The following SCEL variants were observed in gnomAD, a reference collection of about 807,000 sequenced individuals.
SCEL encodes the protein sciellin.
In SCEL, 113 loss-of-function variants were observed where a neutral mutation model predicts 117.6. The observed-to-expected ratio is 0.96, with a 90% CI of 0.83 to 1.12. The LOEUF (loss-of-function observed/expected upper bound fraction) is 1.12, where lower values mean the gene tolerates loss of function less well. SCEL is among the 50% of genes most tolerant of loss of function. The probability of loss-of-function intolerance (pLI) is 0.00; values close to 1 mark genes in which losing one functional copy is unlikely to be tolerated. For synonymous variants in SCEL, 270 were observed against 256.2 expected (o/e 1.05, Z -0.51); for missense variants, 785 against 810.8 (o/e 0.97, Z 0.39).
chr13:77,580,962 A>G (rs1170216631), intron 9 of SCEL, among the ~76,000 whole-genome samples: 1 of 152,134 alleles, frequency 6.6e-6, no homozygotes, highest in African/African-American at 2.4e-5. Flanking sequence ...GTGAGTTGCC[A>G]TGGCAACCTT....
chr13:77,550,390 A>ATATATATATATATATATATATATAT (rs1567337596), intron 1 of SCEL, among the ~76,000 whole-genome samples: 4 of 914 alleles, frequency 4.4e-3, no homozygotes, highest in African/African-American at 7.6e-3. Flanking sequence ...TGTCTAAAAT[A>ATATATATATATATATATATATATAT]TATATATATA....
chr13:77,618,176 C>A, intron 27 of SCEL, 116 bp downstream of exon 27: 1 of 799,454 alleles, frequency 1.3e-6, no homozygotes, highest in East Asian at 2.4e-5. Context: ...CTCCCTTCCT[C>A]CCTTTTTTCT....
intron 9 of SCEL, among the ~76,000 whole-genome samples, chr13:77,583,497 G>A (rs973690273): frequency 5.3e-5 from 8 of 152,252 alleles, no homozygotes; most frequent in South Asian, 2.1e-4. Context: ...GCCCAGTTAC[G>A]GCTCATATAC....
In SCEL at chr13:77,586,897, T is replaced by TG. The variant is rs200319447; in HGVS notation, c.546-2247_546-2246insG. Among the ~76,000 whole-genome samples, 1,088 of 152,284 alleles carry TG rather than the reference T, an allele frequency of 7.1e-3. 49 individuals are homozygous for TG. Among genetic ancestry groups the TG allele is most frequent in the Admixed American group, 0.066 (1,003 of 15,274 alleles). Reference sequence around the variant, plus strand: ...ATCTGTAAAATGGGAAGAAGAATAATACTTATGTCTGGGATTGCAGTGAGG... The same window carrying TG: ...ATCTGTAAAATGGGAAGAAGAATAATGACTTATGTCTGGGATTGCAGTGAGG... On this transcript the variant is annotated intron_variant, in intron 9 of 32. Coordinates refer to ENST00000349847, the MANE Select transcript of SCEL (RefSeq NM_144777.3).
intron 29 of SCEL, among the ~76,000 whole-genome samples, chr13:77,635,130 C>T (rs2090212675): frequency 6.6e-6 from 1 of 152,152 alleles, no homozygotes; most frequent in African/African-American, 2.4e-5. Context: ...GTGTGGATGG[C>T]AGTCGTGATG....
chr13:77,562,795 GCC>G (rs1198019210), intron 4 of SCEL, among the ~76,000 whole-genome samples: 1 of 152,094 alleles, frequency 6.6e-6, no homozygotes, highest in Non-Finnish European at 1.5e-5. Flanking sequence ...ACTATTCCTA[GCC>G]CTTTTTATAT....
chr13:77,619,621 C>T (rs1192485265), intron 27 of SCEL, among the ~76,000 whole-genome samples: 2 of 149,584 alleles, frequency 1.3e-5, no homozygotes, highest in Non-Finnish European at 2.9e-5. Flanking sequence ...AAAGAAAACA[C>T]TTGCTGCATG....
chr13:77,644,508 G>C lies in SCEL; in HGVS notation c.*234G>C. On this transcript the variant is annotated 3_prime_UTR_variant, in exon 33 of 33. Coordinates refer to ENST00000349847, the MANE Select transcript of SCEL (RefSeq NM_144777.3). Reference sequence around the variant, plus strand: ...GCAATAAAAAGTTCAAATGGTTCCAGATTCCAGTGTCAAAGGAGTGATGCA... The same window carrying C: ...GCAATAAAAAGTTCAAATGGTTCCACATTCCAGTGTCAAAGGAGTGATGCA... 4.2e-6 allele frequency: 2 copies of C among 477,024 alleles called. No homozygotes were observed. The highest frequency in any genetic ancestry group is 7.6e-6 in the Non-Finnish European group (2 of 264,540). The allele number at this position is 477,024 out of a possible 1,614,324, so 29.5% of individuals were successfully genotyped here.
At chr13:77,640,960 G>C (rs567101222) in intron 31 of SCEL, among the ~76,000 whole-genome samples, 176 bp downstream of exon 31, 1 of 152,146 alleles carries the variant, frequency 6.6e-6, no homozygotes, top group East Asian at 1.9e-4. Flanking sequence ...TCAAATGTTT[G>C]TAATTACTAT....
At chr13:77,553,773 G>A (rs1040430803) in intron 1 of SCEL, among the ~76,000 whole-genome samples, 4 of 151,628 alleles carry the variant, frequency 2.6e-5, no homozygotes, top group African/African-American at 9.7e-5. Flanking sequence ...TGTGTGCTGG[G>A]CAATAATTAG....
chr13:77,587,670 C>T (rs536179345), intron 9 of SCEL, among the ~76,000 whole-genome samples: 2 of 152,284 alleles, frequency 1.3e-5, no homozygotes, highest in East Asian at 3.9e-4. Flanking sequence ...TGGCCAAGTA[C>T]TCTTTCCTTG....
In SCEL at chr13:77,644,425, A is replaced by T; in HGVS notation, c.*151A>T. On this transcript the variant is annotated 3_prime_UTR_variant, in exon 33 of 33. Transcript: ENST00000349847. ...ATTCTGTTATTGCATAAGTAATCTA[A>T]TTGTCTTCAATAAGGTCACACACAT... The T allele has an allele frequency of 1.4e-6, 1 of 727,722 alleles. No individual in the cohort carries two copies. The highest frequency in any genetic ancestry group is 2.3e-6 in the Non-Finnish European group (1 of 444,184). 45.1% of individuals were successfully genotyped at this position (727,722 alleles called of 1,614,324 possible).
At chr13:77,603,494 A>G (rs1439160868) in intron 18 of SCEL, among the ~76,000 whole-genome samples, 16 of 152,194 alleles carry the variant, frequency 1.1e-4, no homozygotes, top group Non-Finnish European at 1.9e-4. Flanking sequence ...AGCTCTGGTA[A>G]TTCAGCTCCT....
intron 4 of SCEL, among the ~76,000 whole-genome samples, chr13:77,563,229 CCTTT>C (rs142168976): frequency 0.025 from 3,754 of 152,058 alleles, 156 homozygotes; most frequent in East Asian, 0.13. Context: ...TTCTATCCTT[CCTTT>C]CTCTCACTTC....
chr13:77,552,842 G>A (rs2084418050), intron 1 of SCEL, among the ~76,000 whole-genome samples: 2 of 152,162 alleles, frequency 1.3e-5, no homozygotes, highest in Non-Finnish European at 2.9e-5. Context: ...AATGTTTTGG[G>A]TGTAATGATT....
chr13:77,545,904 G>A (rs774525701), intron 1 of SCEL, among the ~76,000 whole-genome samples: 10 of 152,232 alleles, frequency 6.6e-5, no homozygotes, highest in African/African-American at 1.9e-4. Context: ...ATTTCCCACA[G>A]TATTGCTCAT....
chr13:77,586,975 G>A (rs895625671), intron 9 of SCEL, among the ~76,000 whole-genome samples: 1 of 152,018 alleles, frequency 6.6e-6, no homozygotes, highest in Non-Finnish European at 1.5e-5. Flanking sequence ...GGCACATAAT[G>A]ACCCCATATA....
rs1321203351 is a variant in SCEL at position 77,618,005 on chromosome 13, C to T, written c.1573C>T (p.Gln525Ter). The change falls in exon 27 of 33, where the codon CAA becomes TAA. Residue 525 changes from glutamine (Q) to a stop codon, truncating the protein, a stop_gained and splice_region_variant. Transcript: ENST00000349847. LOFTEE classifies it high-confidence loss of function. ...NPAVIRNNQS[Q>*]DLDNLIKVKP... The stretch of plus-strand genomic sequence containing the variant: ...TTTTTCTCTCTCTCTTTTAAACAGC[C>T]AAGACTTGGACAATCTTATTAAAGT... 1.9e-6 allele frequency: 3 copies of T among 1,613,262 alleles called. No homozygotes were observed. The highest frequency in any genetic ancestry group is 2.5e-6 in the Non-Finnish European group (3 of 1,179,336).
At chr13:77,569,302 C>A in intron 7 of SCEL, 69 bp from the exon 8 acceptor site, 2 of 1,265,304 alleles carry the variant, frequency 1.6e-6, no homozygotes, top group Non-Finnish European at 2.3e-6. Flanking sequence ...GAATTTAAGA[C>A]TTTTCAAAGG....
Sources: allele counts gnomAD v4.1 joint callset (sites outside exome capture counted in the v4.1 genomes callset), GRCh38; gene constraint gnomAD v4.1.1; transcripts MANE v1.5; gene names NCBI Gene and HGNC (gene_info 2026-07-23, HGNC 2026-07-21).